QKI: variants seen among roughly 807,000 people sequenced by gnomAD.
QKI encodes KH domain-containing RNA-binding protein QKI.
Under a neutral mutation model 39.0 loss-of-function variants are expected in QKI, and 10 were observed. The ratio of observed to expected loss-of-function variants is 0.26; its 90% CI spans 0.16 to 0.43. The LOEUF is 0.43. Among genes scored for constraint, QKI ranks in the 20% least tolerant of loss-of-function variants. QKI has a pLI of 1.00. For synonymous variants in QKI, 204 were observed against 155.4 expected (o/e 1.31, Z -2.33); for missense variants, 218 against 428.0 (o/e 0.51, Z 4.33).
chr6:163,465,842 G>T lies in QKI; in HGVS notation c.285+10421G>T, dbSNP rs974788208. On this transcript the variant is annotated intron_variant, in intron 2 of 7. Coordinates refer to ENST00000361752, the MANE Select transcript of QKI (RefSeq NM_006775.3). The stretch of plus-strand genomic sequence containing the variant: ...AAACTATTCAAAAAAGAGATTAAGA[G>T]GTCAGGTATGGTGGTTAACACCTGT... Among the ~76,000 whole-genome samples the T allele has an allele frequency of 3.3e-5, 5 of 151,914 alleles. No homozygotes were observed. The South Asian group carries it at 1.0e-3, about 31-fold the overall frequency.
chr6:163,554,344 C>A (rs1782451524), intron 4 of QKI, among the ~76,000 whole-genome samples: 1 of 152,160 alleles, frequency 6.6e-6, no homozygotes, highest in African/African-American at 2.4e-5. Context: ...TGCCTCAGTT[C>A]TGAGAACCTC....
intron 3 of QKI, among the ~76,000 whole-genome samples, chr6:163,494,208 C>T (rs570084895): frequency 5.9e-5 from 9 of 152,148 alleles, no homozygotes; most frequent in South Asian, 2.1e-4. Context: ...CAATGATTTA[C>T]GTAGTCTTTG....
chr6:163,507,290 G>A (rs1189826662), intron 3 of QKI, among the ~76,000 whole-genome samples: 2 of 152,106 alleles, frequency 1.3e-5, no homozygotes, highest in African/African-American at 4.8e-5. Context: ...AAGAACTTGA[G>A]GGTTTCTGTT....
At chr6:163,464,157 C>T (rs756540436) in intron 2 of QKI, among the ~76,000 whole-genome samples, 6 of 152,226 alleles carry the variant, frequency 3.9e-5, no homozygotes, top group Non-Finnish European at 7.4e-5. Flanking sequence ...GTCAGGAACT[C>T]GCTCTTAGTC....
chr6:163,567,595 G>A (rs953277886), intron 7 of QKI: 3 of 982,768 alleles, frequency 3.1e-6, no homozygotes, highest in Non-Finnish European at 2.4e-6. Flanking sequence ...TATAATTTGT[G>A]TCCTGTATAT....
chr6:163,439,346 T>TG (rs1259069468), intron 1 of QKI, among the ~76,000 whole-genome samples: 4 of 148,268 alleles, frequency 2.7e-5, no homozygotes, highest in African/African-American at 1.0e-4. Flanking sequence ...TTTTGTTTTT[T>TG]TTTTTTTTCG....
chr6:163,501,075 A>G (rs1778727589), intron 3 of QKI, among the ~76,000 whole-genome samples: 1 of 152,158 alleles, frequency 6.6e-6, no homozygotes, highest in Admixed American at 6.5e-5. Flanking sequence ...TGTTAATAAC[A>G]GGTGTCATTT....
intron 1 of QKI, among the ~76,000 whole-genome samples, chr6:163,445,924 A>G (rs1347097506): frequency 1.3e-5 from 2 of 152,140 alleles, no homozygotes; most frequent in African/African-American, 4.8e-5. Context: ...GTTGTGGGGT[A>G]TATGTCTTAA....
intron 4 of QKI, among the ~76,000 whole-genome samples, chr6:163,549,515 A>T (rs528827387): frequency 9.2e-5 from 14 of 152,272 alleles, no homozygotes; most frequent in Non-Finnish European, 1.5e-4. Context: ...GTTTGATACC[A>T]GCCTGGGCAA....
chr6:163,568,424 C>A, intron 7 of QKI: 1 of 985,018 alleles, frequency 1.0e-6, no homozygotes, highest in Non-Finnish European at 1.2e-6. Flanking sequence ...ATGCATGGAT[C>A]TTTTGTAGTT....
rs1787363582 is a variant in QKI at position 163,415,421 on chromosome 6, G to A, written c.142+86G>A. 1.1e-5 allele frequency: 15 copies of A among 1,392,944 alleles called. 1 individual carries two copies. In the South Asian group the frequency reaches 1.9e-4, roughly 18 times the overall value. The allele number at this position is 1,392,944 out of a possible 1,614,324, so 86.3% of individuals were successfully genotyped here. On this transcript the variant is annotated intron_variant, in intron 1 of 7. Coordinates refer to ENST00000361752, the MANE Select transcript of QKI (RefSeq NM_006775.3). ...CTTGGGATGGTGGGGAGGGCGGGAA[G>A]GTCACGGCCGGGCGGGACCGAGCGC...
At chr6:163,552,551 C>CGGA (rs1170196485) in intron 4 of QKI, among the ~76,000 whole-genome samples, 3 of 151,778 alleles carry the variant, frequency 2.0e-5, no homozygotes, top group South Asian at 2.1e-4. Flanking sequence ...ACTGAGTAAG[C>CGGA]GGAGGAGGAG....
At chr6:163,568,029 A>G in intron 7 of QKI, 1 of 985,408 alleles carries the variant, frequency 1.0e-6, no homozygotes, top group Non-Finnish European at 1.2e-6. Flanking sequence ...CATCACTAAC[A>G]GTGATTGTTC....
intron 4 of QKI, among the ~76,000 whole-genome samples, chr6:163,539,155 A>G (rs550592825): frequency 1.3e-5 from 2 of 152,300 alleles, no homozygotes; most frequent in African/African-American, 4.8e-5. Flanking sequence ...GAAGAGAGGG[A>G]GGATCCAGCA....
intron 3 of QKI, among the ~76,000 whole-genome samples, chr6:163,505,227 G>A (rs530573132): frequency 4.6e-5 from 7 of 152,256 alleles, no homozygotes; most frequent in South Asian, 2.1e-4. Context: ...CTGCAGGGGC[G>A]GACCCCTCAT....
chr6:163,503,529 G>A (rs73244795), intron 3 of QKI, among the ~76,000 whole-genome samples: 57 of 151,920 alleles, frequency 3.8e-4, no homozygotes, highest in African/African-American at 1.4e-3. Context: ...TCTGTTTACT[G>A]TCCTGATAGT....
At chr6:163,440,628 A>T (rs1458063472) in intron 1 of QKI, among the ~76,000 whole-genome samples, 1 of 152,244 alleles carries the variant, frequency 6.6e-6, no homozygotes, top group Non-Finnish European at 1.5e-5. Context: ...AATAAAAGGT[A>T]AAATTATTCT....
chr6:163,564,734 ACAG>A, intron 6 of QKI: 1 of 1,614,032 alleles, frequency 6.2e-7, no homozygotes, highest in Non-Finnish European at 8.5e-7. Flanking sequence ...GGACTAGAAT[ACAG>A]CAGCTGTTAT....
chr6:163,492,388 G>A (rs1452161878), intron 3 of QKI, among the ~76,000 whole-genome samples: 1 of 152,062 alleles, frequency 6.6e-6, no homozygotes, highest in East Asian at 1.9e-4. Context: ...TTAGTTTGGT[G>A]TTTTTAAATC....
Sources: gnomAD v4.1 joint callset for allele counts (sites outside exome capture counted in the v4.1 genomes callset) on GRCh38, gnomAD v4.1.1 for gene constraint, MANE v1.5 for transcripts, NCBI Gene and HGNC (gene_info 2026-07-23, HGNC 2026-07-21) for gene names.